The following AP1M1 variants were observed in gnomAD, a reference collection of about 807,000 sequenced individuals.
The protein encoded by AP1M1 is adaptor related protein complex 1 subunit mu 1.
AP1M1 carries 18 observed loss-of-function variants against 57.1 expected under a neutral mutation model. The observed-to-expected ratio is 0.32, with a 90% confidence interval of 0.22 to 0.47. The LOEUF is 0.47. AP1M1 is among the 20% of genes least tolerant of loss of function. The pLI is 1.00. For synonymous variants in AP1M1, 241 were observed against 237.9 expected (o/e 1.01, Z -0.12); for missense variants, 362 against 593.5 (o/e 0.61, Z 4.05).
At position 16,226,502 on chromosome 19, in the gene AP1M1, C is replaced by G; in HGVS notation, c.628C>G (p.Leu210Val). The G allele has an allele frequency of 6.3e-7, 1 of 1,589,778 alleles. No individual in the cohort carries two copies. The highest frequency in any genetic ancestry group is 8.6e-7 in the Non-Finnish European group (1 of 1,167,660). ...MRVFLSGMPE[L>V]RLGLNDKVLF... ...AGTCTTCCTCTCGGGCATGCCCGAG[C>G]TGCGCCTGGGCCTCAACGACAAGGT... Residue 210 changes from leucine (L) to valine (V), a missense_variant, in exon 6 of 12, where the codon CTG becomes GTG. Leu to Val is a conservative substitution (Grantham distance 32, BLOSUM62 1). Coordinates refer to ENST00000291439, the MANE Select transcript of AP1M1 (RefSeq NM_032493.4).
rs2091634993 is a variant in AP1M1 at position 16,238,924 on chromosome 19, T to G, written c.*4489T>G. 1 of 151,356 alleles carries G rather than the reference T, an allele frequency of 6.6e-6. No individual in the cohort carries two copies. The highest frequency in any genetic ancestry group is 6.6e-5 in the Admixed American group (1 of 15,108). The allele number at this position is 151,356 out of a possible 1,614,324, so 9.4% of individuals were successfully genotyped here. A position where few individuals can be genotyped will look rare whatever the true frequency, so the allele number is the denominator to read the frequency against. ...TAATATACTTTTTGTAGTTTTTTTG[T>G]TTTTTGTTTTTGTTTTTGTTTTTTT... On this transcript the variant is annotated 3_prime_UTR_variant, in exon 12 of 12. Transcript: ENST00000291439.
rs777256405 is a variant in AP1M1, at chr19:16,226,560, G to A, written c.673+13G>A. ...GACAACACGGGCCGTGAGTACCCTT[G>A]CCAAGGGCCCTGCCCATGAGGATGG... On this transcript the variant is annotated intron_variant, in intron 6 of 11. Transcript: ENST00000291439. 18 of 1,571,942 alleles carry A rather than the reference G, an allele frequency of 1.1e-5. No individual in the cohort carries two copies. Among genetic ancestry groups the A allele is most frequent in the Non-Finnish European group, 1.3e-5 (15 of 1,153,634 alleles).
chr19:16,228,822 T>C lies in AP1M1; in HGVS notation c.941T>C (p.Ile314Thr). 1 of 1,613,932 alleles carries C rather than the reference T, an allele frequency of 6.2e-7. No homozygotes were observed. The highest frequency in any genetic ancestry group is 1.1e-5 in the South Asian group (1 of 91,074). The change falls in exon 9 of 12, where the codon ATT becomes ACT. Residue 314 changes from isoleucine to threonine, a missense_variant. This residue lies in a region of AP1M1 where 337 missense variants were observed against 511.1 expected (regional missense o/e 0.66). Transcript: ENST00000291439. The surrounding 1 kb of genome is among the most constrained non-coding windows in gnomAD (Gnocchi z 5.0). ...RSTANNVEIHIPVPNDADSPK... is the reference protein window; with the variant it reads ...RSTANNVEIHTPVPNDADSPK... ...ACAGCCAACAACGTGGAGATCCACA[T>C]TCCCGTGCCCAATGATGCCGACTCA...
At chr19:16,201,573 T>A (rs1171000597) in intron 1 of AP1M1, among the ~76,000 whole-genome samples, 3 of 152,026 alleles carry the variant, frequency 2.0e-5, no homozygotes, top group Non-Finnish European at 4.4e-5. Context: ...TAATTTTGTA[T>A]TTTTAGTAGA....
In AP1M1 at chr19:16,238,719, A is replaced by T. The variant is rs911353410; in HGVS notation, c.*4284A>T. On this transcript the variant is annotated 3_prime_UTR_variant, in exon 12 of 12. Coordinates refer to ENST00000291439, the MANE Select transcript of AP1M1 (RefSeq NM_032493.4). ...GTGGCTTGTTCTGTATTCTTTCTTT[A>T]TGCTTTTTTTTTTTTTTTTTGACAG... The T allele has an allele frequency of 3.4e-4, 41 of 120,322 alleles. No individual in the cohort carries two copies. Among genetic ancestry groups the T allele is most frequent in the Non-Finnish European group, 4.3e-4 (26 of 60,174 alleles). The allele number at this position is 120,322 out of a possible 1,614,324, so 7.5% of individuals were successfully genotyped here. A position where few individuals can be genotyped will look rare whatever the true frequency, so the allele number is the denominator to read the frequency against.
At chr19:16,233,976 G>A in intron 10 of AP1M1, 2 of 574,660 alleles carry the variant, frequency 3.5e-6, no homozygotes, top group Non-Finnish European at 6.0e-6. Flanking sequence ...CTGAGGCCGT[G>A]TCTGCAAGCC....
chr19:16,223,608 A>G (rs1411403628), intron 5 of AP1M1, among the ~76,000 whole-genome samples: 1 of 152,196 alleles, frequency 6.6e-6, no homozygotes, highest in Non-Finnish European at 1.5e-5. Flanking sequence ...TGTGTTTTCC[A>G]GGAGAGTCAG....
Position 16,221,684 on chromosome 19 carries a change from G to A in AP1M1, c.547-4737G>A, listed in dbSNP as rs115109008. Among the ~76,000 whole-genome samples, 375 of 152,120 alleles carry A rather than the reference G, an allele frequency of 2.5e-3. 3 individuals carry two copies. The highest frequency in any genetic ancestry group is 8.1e-3 in the African/African-American group (337 of 41,486). On this transcript the variant is annotated intron_variant, in intron 5 of 11. Transcript: ENST00000291439. ...CCTTTATGTCTAAAACAAATATTTC[G>A]GTTAAAGTACAAGGACATAGAATGT...
At chr19:16,199,323 A>G (rs2091437874) in intron 1 of AP1M1, among the ~76,000 whole-genome samples, 1 of 152,208 alleles carries the variant, frequency 6.6e-6, no homozygotes, top group Non-Finnish European at 1.5e-5. Context: ...GAACCCAGGC[A>G]TCTTCCCCAG....
chr19:16,199,937 G>T (rs573475011), intron 1 of AP1M1, among the ~76,000 whole-genome samples: 60 of 152,300 alleles, frequency 3.9e-4, no homozygotes, highest in Non-Finnish European at 1.5e-4. Flanking sequence ...CATGGCTGTG[G>T]TGTTAGGGGT....
At chr19:16,230,007 G>C (rs920730569) in intron 9 of AP1M1, among the ~76,000 whole-genome samples, 10 of 152,156 alleles carry the variant, frequency 6.6e-5, no homozygotes, top group African/African-American at 2.4e-4. Context: ...CAATTCCACT[G>C]TTGAAAATAG....
intron 5 of AP1M1, among the ~76,000 whole-genome samples, chr19:16,218,197 G>A (rs2091527001): frequency 6.6e-6 from 1 of 152,236 alleles, no homozygotes; most frequent in African/African-American, 2.4e-5. Context: ...AGGGAGCAGT[G>A]CCTCTGCTGC....
intron 2 of AP1M1, among the ~76,000 whole-genome samples, chr19:16,205,904 T>G (rs2091467489): frequency 6.6e-6 from 1 of 152,176 alleles, no homozygotes; most frequent in Non-Finnish European, 1.5e-5. Flanking sequence ...AAGCCAGAAT[T>G]GGCCCTGGCT....
rs1831781064 is a variant in AP1M1 at position 16,238,646 on chromosome 19, CTG to C, written c.*4212_*4213del. The C allele has an allele frequency of 6.6e-6, 1 of 151,748 alleles. No individual in the cohort carries two copies. The highest frequency in any genetic ancestry group is 1.5e-5 in the Non-Finnish European group (1 of 67,998). 9.4% of individuals were successfully genotyped at this position (151,748 alleles called of 1,614,324 possible). A position where few individuals can be genotyped will look rare whatever the true frequency, so the allele number is the denominator to read the frequency against. ...AGGCAAAAACAGGAAGGGGGTATGA[CTG>C]GGGCCTCTGCTGTGTTGGCAATTTC... On this transcript the variant is annotated 3_prime_UTR_variant, in exon 12 of 12. Coordinates refer to ENST00000291439, the MANE Select transcript of AP1M1 (RefSeq NM_032493.4).
intron 2 of AP1M1, among the ~76,000 whole-genome samples, chr19:16,205,802 G>A (rs543703627): frequency 4.6e-4 from 70 of 152,292 alleles, no homozygotes; most frequent in African/African-American, 1.6e-3. Flanking sequence ...TCATTCACAG[G>A]CCTCCATTAC....
chr19:16,225,544 G>A (rs953534688), intron 5 of AP1M1, among the ~76,000 whole-genome samples: 3 of 152,228 alleles, frequency 2.0e-5, no homozygotes, highest in African/African-American at 7.2e-5. Context: ...ACAGGCTAGG[G>A]GGTGCAGGAC....
At chr19:16,230,404 CTT>C (rs58625387) in intron 9 of AP1M1, among the ~76,000 whole-genome samples, 4,459 of 143,472 alleles carry the variant, frequency 0.031, 225 homozygotes, top group African/African-American at 0.11. Flanking sequence ...ATACGGTAAC[CTT>C]TTTTTTTTTT....
Position 16,206,599 on chromosome 19 carries a change from C to T in AP1M1, c.267+191C>T, listed in dbSNP as rs1277000956. On this transcript the variant is annotated intron_variant, in intron 3 of 11. Coordinates refer to ENST00000291439, the MANE Select transcript of AP1M1 (RefSeq NM_032493.4). The surrounding 1 kb of genome is among the most constrained non-coding windows in gnomAD (Gnocchi z 4.3). ...GTGGAATTCTATAGCTCACGTTGCTCCCCTACCGTGGGGAAGAAAGGAAAG... is the reference window on the plus strand; with the variant it reads ...GTGGAATTCTATAGCTCACGTTGCTTCCCTACCGTGGGGAAGAAAGGAAAG... The T allele has an allele frequency of 3.3e-6, 2 of 611,426 alleles. No individual in the cohort carries two copies. Among genetic ancestry groups the T allele is most frequent in the Non-Finnish European group, 2.9e-6 (1 of 339,868 alleles). The allele number at this position is 611,426 out of a possible 1,614,324, so 37.9% of individuals were successfully genotyped here.
chr19:16,230,210 A>G (rs2091590041), intron 9 of AP1M1, among the ~76,000 whole-genome samples: 1 of 152,046 alleles, frequency 6.6e-6, no homozygotes, highest in African/African-American at 2.4e-5. Context: ...CTGCATTTTT[A>G]TTTTTGTTTT....
Sources: gnomAD v4.1 joint callset for allele counts (sites outside exome capture counted in the v4.1 genomes callset) on GRCh38, gnomAD v4.1.1 for gene constraint, gnomAD v4.1.1 regional missense constraint, Gnocchi (gnomAD v3.1) non-coding constraint, MANE v1.5 for transcripts, NCBI Gene and HGNC (gene_info 2026-07-23, HGNC 2026-07-21) for gene names.